Variants in ANXA1 observed in about 807,000 individuals in gnomAD.
The protein encoded by ANXA1 is annexin I (lipocortin I).
ANXA1 carries 39 observed loss-of-function variants against 47.9 expected under a neutral mutation model. The observed-to-expected ratio is 0.81, with a 90% CI of 0.63 to 1.06. ANXA1 has a LOEUF of 1.06. ANXA1 is among the 50% of genes least tolerant of loss of function. The pLI, the probability that ANXA1 is intolerant of heterozygous loss-of-function variation, is 0.00. For missense variants in ANXA1, 446 were observed against 422.7 expected (o/e 1.06, Z -0.48); for synonymous variants, 146 against 142.5 (o/e 1.02, Z -0.17).
intron 8 of ANXA1, 129 bp downstream of exon 8, chr9:73,163,661 T>A: frequency 1.2e-6 from 1 of 855,464 alleles, no homozygotes; most frequent in Non-Finnish European, 1.8e-6. Context: ...GTTCATTTCC[T>A]GAATGAGGCA....
At position 73,158,775 on chromosome 9, in the gene ANXA1, T is replaced by C. The variant is rs776256101; in HGVS notation, c.147T>C (p.Ala49=). ...YPTFNPSSDV[A]ALHKAIMVKG... ...CCTTCAATCCATCCTCGGATGTCGC[T>C]GCCTTGCATAAGGCCATAATGGTTA... The change falls in exon 3 of 13, where the codon GCT becomes GCC. Residue 49 remains alanine (A), a synonymous_variant. Coordinates refer to ENST00000257497, the MANE Select transcript of ANXA1 (RefSeq NM_000700.3). 1.2e-6 allele frequency: 2 copies of C among 1,613,772 alleles called. No homozygotes were observed. The highest frequency in any genetic ancestry group is 1.1e-5 in the South Asian group (1 of 91,088).
intron 1 of ANXA1, among the ~76,000 whole-genome samples, chr9:73,157,182 C>A (rs1001313056): frequency 2.6e-5 from 4 of 152,066 alleles, no homozygotes; most frequent in African/African-American, 9.6e-5. Context: ...ATTTAGACAG[C>A]TCAAATAGGA....
chr9:73,163,211 C>A (rs1016626815), intron 7 of ANXA1, among the ~76,000 whole-genome samples: 8 of 152,064 alleles, frequency 5.3e-5, no homozygotes, highest in Non-Finnish European at 8.8e-5. Context: ...GCATTAATCT[C>A]TTCATGAGAG....
At chr9:73,158,495 A>G (rs1441862602) in intron 1 of ANXA1, 27 bp from the exon 2 acceptor site, 3 of 1,584,206 alleles carry the variant, frequency 1.9e-6, no homozygotes, top group East Asian at 2.2e-5. Flanking sequence ...TTTGTTTTGT[A>G]AAAGCATCTA....
At chr9:73,168,647 A>T (rs953267269) in intron 11 of ANXA1, 4 of 156,568 alleles carry the variant, frequency 2.6e-5, no homozygotes, top group African/African-American at 9.6e-5. Flanking sequence ...ATTAGGCAGG[A>T]TATCGGAAGC....
chr9:73,168,955 G>T, intron 11 of ANXA1, 77 bp from the exon 12 acceptor site: 15 of 1,392,534 alleles, frequency 1.1e-5, no homozygotes, highest in African/African-American at 1.5e-5. Context: ...GAGTAAGAAG[G>T]CTTCACTTTA....
intron 1 of ANXA1, among the ~76,000 whole-genome samples, chr9:73,156,159 A>AAAT (rs1372035421): frequency 0.024 from 3,503 of 146,984 alleles, 155 homozygotes; most frequent in African/African-American, 0.08. Flanking sequence ...ATAAATAAAT[A>AAAT]AATAAATAAA....
In ANXA1 at chr9:73,158,970, T is replaced by C. The variant is rs74931891; in HGVS notation, c.175+167T>C. ...ATTATTTACTTAACACTGAGGAAAT[T>C]GTGTTCACATCAGTGGAATCTCTAT... On this transcript the variant is annotated intron_variant, in intron 3 of 12. Transcript: ENST00000257497. Among the ~76,000 whole-genome samples the C allele has an allele frequency of 3.4e-3, 513 of 152,320 alleles. 6 individuals carry two copies. Among genetic ancestry groups the C allele is most frequent in the East Asian group, 0.03 (157 of 5,188 alleles).
chr9:73,159,614 A>G (rs1227982488), intron 4 of ANXA1, 191 bp downstream of exon 4: 1 of 474,050 alleles, frequency 2.1e-6, no homozygotes, highest in East Asian at 3.7e-5. Flanking sequence ...ATTTTTATAC[A>G]TTAGTCATCT....
chr9:73,162,653 T>A (rs1314503666), intron 6 of ANXA1, 129 bp from the exon 7 acceptor site: 2 of 524,654 alleles, frequency 3.8e-6, no homozygotes, highest in Non-Finnish European at 6.4e-6. Flanking sequence ...ATGATAATAT[T>A]TTGCAACATG....
intron 7 of ANXA1, 102 bp from the exon 8 acceptor site, chr9:73,163,374 C>T: frequency 2.5e-6 from 3 of 1,209,406 alleles, no homozygotes; most frequent in Non-Finnish European, 3.5e-6. Context: ...AATAGAATAC[C>T]TTTTTCTCAA....
intron 1 of ANXA1, among the ~76,000 whole-genome samples, chr9:73,152,422 A>G (rs553550432): frequency 1.3e-5 from 2 of 152,332 alleles, no homozygotes; most frequent in African/African-American, 4.8e-5. Context: ...AAGGAAAACA[A>G]GATAGATTCA....
rs757186022 is a variant in ANXA1, at chr9:73,160,380, A to G, written c.384+4A>G. ...TGAACTTCGTGCTGCCATGAAGGTAAATCGCCCAATTTGAGCAAACTCCTT... is the reference window on the plus strand; with the variant it reads ...TGAACTTCGTGCTGCCATGAAGGTAGATCGCCCAATTTGAGCAAACTCCTT... On this transcript the variant is annotated splice_donor_region_variant and intron_variant, in intron 5 of 12. Transcript: ENST00000257497. The G allele has an allele frequency of 2.6e-6, 4 of 1,559,376 alleles. No homozygotes were observed. In the South Asian group the frequency reaches 4.9e-5, roughly 19 times the overall value.
intron 10 of ANXA1, among the ~76,000 whole-genome samples, chr9:73,166,432 C>T (rs576119584): frequency 1.3e-5 from 2 of 152,140 alleles, no homozygotes; most frequent in South Asian, 4.2e-4. Flanking sequence ...TTATTGAGCA[C>T]CTACTTATAT....
In ANXA1 at chr9:73,160,892, G is replaced by T; in HGVS notation, c.474G>T (p.Glu158Asp). 1 of 1,602,156 alleles carries T rather than the reference G, an allele frequency of 6.2e-7. No individual in the cohort carries two copies. Residue 158 changes from glutamate to aspartate, a missense_variant and splice_region_variant, in exon 6 of 13, where the codon GAG becomes GAT. By Grantham distance (45) the Glu-to-Asp change is conservative. Coordinates refer to ENST00000257497, the MANE Select transcript of ANXA1 (RefSeq NM_000700.3). ...EIRDINRVYR[E>D]ELKRDLAKDI... ...GAGACATTAACAGGGTCTACAGAGA[G>T]GGTAAGTTGTAATGTCCAACAGTCC...
chr9:73,154,368 A>G (rs757753026), intron 1 of ANXA1: 10 of 1,364,668 alleles, frequency 7.3e-6, no homozygotes, highest in African/African-American at 3.0e-5. Flanking sequence ...AACACTGATC[A>G]TGTCATTTTC....
intron 4 of ANXA1, among the ~76,000 whole-genome samples, 181 bp from the exon 5 acceptor site, chr9:73,160,082 C>T (rs970535723): frequency 5.3e-5 from 8 of 152,194 alleles, no homozygotes; most frequent in African/African-American, 1.9e-4. Context: ...CCCTCTAGAT[C>T]TGGAAGGGTA....
At chr9:73,169,622 T>C (rs1033731555) in intron 12 of ANXA1, among the ~76,000 whole-genome samples, 1 of 152,128 alleles carries the variant, frequency 6.6e-6, no homozygotes, top group Non-Finnish European at 1.5e-5. Flanking sequence ...GAAAGGTAGA[T>C]AACGATTCAA....
Position 73,159,378 on chromosome 9 carries a change from A to C in ANXA1, c.225A>C (p.Ala75=). Residue 75 remains alanine (A), a synonymous_variant, in exon 4 of 13, where the codon GCA becomes GCC. Transcript: ENST00000257497. ...IIDILTKRNN[A]QRQQIKAAYL... Reference sequence around the variant, plus strand: ...ACATTCTAACTAAGCGAAACAATGCACAGCGTCAACAGATCAAAGCAGCAT... The same window carrying C: ...ACATTCTAACTAAGCGAAACAATGCCCAGCGTCAACAGATCAAAGCAGCAT... 6.2e-7 allele frequency: 1 copy of C among 1,613,408 alleles called. No individual in the cohort carries two copies. The highest frequency in any genetic ancestry group is 8.5e-7 in the Non-Finnish European group (1 of 1,179,510).
Sources: gnomAD v4.1 joint callset for allele counts (sites outside exome capture counted in the v4.1 genomes callset) on GRCh38, gnomAD v4.1.1 for gene constraint, MANE v1.5 for transcripts, NCBI Gene and HGNC (gene_info 2026-07-23, HGNC 2026-07-21) for gene names.